RECQL: variants seen among roughly 807,000 people sequenced by gnomAD.
The protein encoded by RECQL is RecQ like helicase.
RECQL carries 73 observed loss-of-function variants against 75.8 expected under a neutral mutation model. The observed-to-expected ratio is 0.96, with a 90% CI of 0.80 to 1.17. RECQL has a LOEUF of 1.17. Among genes scored for constraint, RECQL ranks in the 50% most tolerant of loss-of-function variants. The pLI, the probability that RECQL is intolerant of heterozygous loss-of-function variation, is 0.00. For missense variants in RECQL, 699 were observed against 772.1 expected, an observed-to-expected ratio of 0.91 and a Z score of 1.12; for synonymous variants, 248 against 254.4, an observed-to-expected ratio of 0.97 and a Z score of 0.24.
chr12:21,487,434 C>T (rs1476149017), intron 4 of RECQL, among the ~76,000 whole-genome samples: 6 of 152,114 alleles, frequency 3.9e-5, no homozygotes, highest in Admixed American at 3.9e-4. Flanking sequence ...TAATATGCCC[C>T]CTTCCTTATA....
At chr12:21,472,825 GTC>G (rs1439012780) in intron 12 of RECQL, among the ~76,000 whole-genome samples, 5 of 152,034 alleles carry the variant, frequency 3.3e-5, no homozygotes, top group Admixed American at 2.0e-4. Context: ...ATTCTCTATA[GTC>G]TCTATTTTGC....
intron 2 of RECQL, among the ~76,000 whole-genome samples, chr12:21,496,665 C>T (rs994375856): frequency 2.6e-5 from 4 of 152,154 alleles, no homozygotes; most frequent in African/African-American, 9.7e-5. Context: ...GGCCTGACAC[C>T]TTGGTGAGAG....
chr12:21,480,328 GTAAGAACGGAA>G (rs1454559179), intron 6 of RECQL, among the ~76,000 whole-genome samples: 1 of 152,164 alleles, frequency 6.6e-6, no homozygotes, highest in Non-Finnish European at 1.5e-5. Flanking sequence ...AACAAAAAGT[GTAAGAACGGAA>G]TCAAAGACTA....
At position 21,476,953 on chromosome 12, in the gene RECQL, C is replaced by G. The variant is rs1307316955; in HGVS notation, c.907G>C (p.Asp303His). The stretch of plus-strand genomic sequence containing the variant: ...CTCCCATTAATGAGCTTTACAATAT[C>G]CTCAATAAAATCTTCAGTGTTTGAG... ...KPSNTEDFIE[D>H]IVKLINGRYK... The change falls in exon 8 of 15, where the codon GAT (aspartate) becomes CAT (histidine). Residue 303 changes from aspartate to histidine, a missense_variant. Asp to His is a moderately conservative substitution (Grantham distance 81). Around this residue, in one of 2 missense-constraint regions of RECQL, gnomAD observed 669 missense variants for 713.5 expected, o/e 0.94. Coordinates refer to ENST00000444129, the MANE Select transcript of RECQL (RefSeq NM_002907.4). 1.2e-6 allele frequency: 2 copies of G among 1,609,836 alleles called. No homozygotes were observed. The highest frequency in any genetic ancestry group is 2.2e-5 in the East Asian group (1 of 44,716).
In RECQL at chr12:21,477,902, A is replaced by C. The variant is rs972675855; in HGVS notation, c.768T>G (p.Thr256=). Residue 256 remains threonine (T), a synonymous_variant, in exon 7 of 15, where the codon ACT becomes ACG. Transcript: ENST00000444129. ...CATCCGTCAAAACGTGATTTGTTGCAGTTGCAGTCAGCCCAATTAGTGATG... is the reference window on the plus strand; with the variant it reads ...CATCCGTCAAAACGTGATTTGTTGCCGTTGCAGTCAGCCCAATTAGTGATG... ...PNASLIGLTA[T]ATNHVLTDAQ... The C allele has an allele frequency of 6.2e-7, 1 of 1,613,894 alleles. No homozygotes were observed. The highest frequency in any genetic ancestry group is 8.5e-7 in the Non-Finnish European group (1 of 1,179,908).
intron 5 of RECQL, 129 bp downstream of exon 5, chr12:21,486,350 G>C (rs553390476): frequency 8.3e-7 from 1 of 1,205,054 alleles, no homozygotes; most frequent in East Asian, 2.8e-5. Context: ...AACTGGCCAA[G>C]AGCAGTAGTT....
At chr12:21,477,579 A>T (rs1943109813) in intron 7 of RECQL, among the ~76,000 whole-genome samples, 1 of 152,236 alleles carries the variant, frequency 6.6e-6, no homozygotes, top group African/African-American at 2.4e-5. Context: ...TATGTTTTAT[A>T]AAAAGTATCA....
chr12:21,473,307 C>T (rs1943019647), intron 12 of RECQL, among the ~76,000 whole-genome samples: 1 of 152,054 alleles, frequency 6.6e-6, no homozygotes. Context: ...TACACAAATA[C>T]TTAACCATGT....
intron 2 of RECQL, among the ~76,000 whole-genome samples, chr12:21,493,221 T>C (rs1337136112): frequency 6.6e-6 from 1 of 152,218 alleles, no homozygotes; most frequent in Non-Finnish European, 1.5e-5. Context: ...TAACCCTGTT[T>C]CCACTGATAA....
intron 2 of RECQL, among the ~76,000 whole-genome samples, chr12:21,496,325 A>G (rs1208447675): frequency 6.6e-6 from 1 of 152,244 alleles, no homozygotes; most frequent in Non-Finnish European, 1.5e-5. Flanking sequence ...GGCTTCAGCT[A>G]TTGATCTGCT....
Position 21,501,363 on chromosome 12 carries a change from C to A in RECQL, c.-239G>T. 6.5e-6 allele frequency: 1 copy of A among 152,874 alleles called. No individual in the cohort carries two copies. The highest frequency in any genetic ancestry group is 1.5e-5 in the Non-Finnish European group (1 of 68,366). 9.5% of individuals were successfully genotyped at this position (152,874 alleles called of 1,614,324 possible). The stretch of plus-strand genomic sequence containing the variant: ...CGAAAGGAAGTGATCCGCTACAGAC[C>A]GGCCTCGCCCTGCAGCAGGAAAGGG... On this transcript the variant is annotated 5_prime_UTR_variant, in exon 1 of 15. Coordinates refer to ENST00000444129, the MANE Select transcript of RECQL (RefSeq NM_002907.4).
intron 5 of RECQL, among the ~76,000 whole-genome samples, chr12:21,485,794 T>C (rs1943283692): frequency 6.6e-6 from 1 of 152,120 alleles, no homozygotes; most frequent in African/African-American, 2.4e-5. Context: ...TTGATAACTG[T>C]TGAAGGGGGA....
Position 21,471,552 on chromosome 12 carries a change from G to T in RECQL, c.1543C>A (p.Leu515Met). The change falls in exon 13 of 15, where the codon CTG becomes ATG. Residue 515 changes from leucine (L) to methionine (M), a missense_variant. By Grantham distance (15) the Leu-to-Met change is conservative. Coordinates refer to ENST00000444129, the MANE Select transcript of RECQL (RefSeq NM_002907.4). ...CCCTTTCCCATCCAAGAATCAATCA[G>T]TTTCAATGGAGTGAGTTTTTCATTC... ...ELNEKLTPLK[L>M]IDSWMGKGAA... The T allele has an allele frequency of 1.2e-6, 2 of 1,612,692 alleles. No homozygotes were observed. Among genetic ancestry groups the T allele is most frequent in the African/African-American group, 1.3e-5 (1 of 74,954 alleles).
intron 10 of RECQL, 48 bp downstream of exon 10, chr12:21,475,420 T>C (rs754290659): frequency 3.6e-6 from 4 of 1,117,102 alleles, no homozygotes; most frequent in Non-Finnish European, 4.0e-6. Flanking sequence ...CATGTATTTT[T>C]TGGAAAAGCT....
chr12:21,485,339 AAAAAG>A (rs1565570328), intron 5 of RECQL, among the ~76,000 whole-genome samples: 3 of 150,966 alleles, frequency 2.0e-5, no homozygotes, highest in African/African-American at 7.3e-5. Context: ...TGAAAAAAAA[AAAAAG>A]AAAAAGAAAG....
At chr12:21,471,181 C>T (rs1202450295) in intron 13 of RECQL, 83 bp from the exon 14 acceptor site, 5 of 1,311,418 alleles carry the variant, frequency 3.8e-6, no homozygotes, top group Non-Finnish European at 5.2e-6. Context: ...ACTATATGCG[C>T]AGTAATTCTT....
At chr12:21,490,148 TATG>T (rs1199589653) in intron 4 of RECQL, 48 bp downstream of exon 4, 1 of 1,000,476 alleles carries the variant, frequency 1.0e-6, no homozygotes, top group African/African-American at 1.6e-5. Flanking sequence ...ATTAAAAAGG[TATG>T]ATGACAAAGC....
chr12:21,470,970 C>T lies in RECQL; in HGVS notation c.1796G>A (p.Arg599Lys). 2.0e-6 allele frequency: 3 copies of T among 1,528,096 alleles called. No homozygotes were observed. In the South Asian group the frequency reaches 3.9e-5, roughly 20 times the overall value. The allele number at this position is 1,528,096 out of a possible 1,614,324, so 94.7% of individuals were successfully genotyped here. ...AACTGAAAATTAATAGCCATTTACCCTGAAAGAGTTCTGCGTGGACTTTGT... is the reference window on the plus strand; with the variant it reads ...AACTGAAAATTAATAGCCATTTACCTTGAAAGAGTTCTGCGTGGACTTTGT... ...QVTKSTQNSF[R>K]AESSQTCHSE... Residue 599 changes from arginine (R) to lysine (K), a missense_variant and splice_region_variant, in exon 14 of 15, where the codon AGG becomes AAG. By Grantham distance (26) the Arg-to-Lys change is conservative. Coordinates refer to ENST00000444129, the MANE Select transcript of RECQL (RefSeq NM_002907.4).
At position 21,501,556 on chromosome 12, in the gene RECQL, A is replaced by C; in HGVS notation, c.-432T>G. The C allele has an allele frequency of 3.9e-6, 1 of 256,008 alleles. No individual in the cohort carries two copies. Among genetic ancestry groups the C allele is most frequent in the South Asian group, 5.1e-5 (1 of 19,720 alleles). 15.9% of individuals were successfully genotyped at this position (256,008 alleles called of 1,614,324 possible). A position where few individuals can be genotyped will look rare whatever the true frequency, so the allele number is the denominator to read the frequency against. On this transcript the variant is annotated 5_prime_UTR_variant, in exon 1 of 15. Coordinates refer to ENST00000444129, the MANE Select transcript of RECQL (RefSeq NM_002907.4). ...GATCTCCGACTCTCGGATCTCCGAC[A>C]CCAAAGCACCCAGGCCTCGAGCAGA...
Sources: allele counts gnomAD v4.1 joint callset (sites outside exome capture counted in the v4.1 genomes callset), GRCh38; gene constraint gnomAD v4.1.1; regional missense constraint gnomAD v4.1.1; transcripts MANE v1.5; gene names NCBI Gene and HGNC (gene_info 2026-07-23, HGNC 2026-07-21).